Variants in PPFIA2 observed in about 807,000 individuals in gnomAD.
The protein encoded by PPFIA2 is liprin-alpha-2.
Under a neutral mutation model 175.5 loss-of-function variants are expected in PPFIA2, and 46 were observed. The ratio of observed to expected loss-of-function variants is 0.26; its 90% confidence interval spans 0.21 to 0.34. The LOEUF (loss-of-function observed/expected upper bound fraction) is 0.34. Ranked by LOEUF, PPFIA2 falls within the 10% of genes least tolerant of loss-of-function variation. The probability of loss-of-function intolerance (pLI) is 1.00; values close to 1 mark genes in which losing one functional copy is unlikely to be tolerated. For missense variants in PPFIA2, 1,179 were observed against 1,506.1 expected (o/e 0.78, Z 3.60); for synonymous variants, 568 against 511.4 (o/e 1.11, Z -1.49).
intron 8 of PPFIA2, among the ~76,000 whole-genome samples, chr12:81,401,333 T>C (rs142850439): frequency 1.3e-5 from 2 of 152,204 alleles, no homozygotes; most frequent in African/African-American, 4.8e-5. Context: ...ATATAGTGTT[T>C]CTATTCTTAT....
intron 22 of PPFIA2, among the ~76,000 whole-genome samples, chr12:81,313,758 C>A (rs572083794): frequency 2.0e-5 from 3 of 152,208 alleles, no homozygotes; most frequent in South Asian, 4.1e-4. Context: ...GACTAGTTAT[C>A]ACCATGGACA....
intron 4 of PPFIA2, chr12:81,545,759 T>C (rs2066893144): frequency 6.6e-6 from 1 of 152,108 alleles, no homozygotes; most frequent in Non-Finnish European, 1.5e-5. Flanking sequence ...GTCTATAAAC[T>C]ACAAGGTAGA....
chr12:81,423,868 T>C (rs1478704389), intron 7 of PPFIA2, among the ~76,000 whole-genome samples: 2 of 152,076 alleles, frequency 1.3e-5, no homozygotes, highest in Admixed American at 1.3e-4. Context: ...ATAACTAATA[T>C]CTATTTTAAC....
chr12:81,574,293 T>C (rs966802454), intron 4 of PPFIA2, among the ~76,000 whole-genome samples: 3 of 151,894 alleles, frequency 2.0e-5, no homozygotes, highest in African/African-American at 7.2e-5. Flanking sequence ...TAAGATTCTA[T>C]TTAATAGCAA....
At chr12:81,539,245 A>G (rs1404596423) in intron 4 of PPFIA2, among the ~76,000 whole-genome samples, 1 of 151,944 alleles carries the variant, frequency 6.6e-6, no homozygotes, top group Non-Finnish European at 1.5e-5. Context: ...TTGGGTAGAC[A>G]TTTGCATATA....
At chr12:81,475,326 T>C (rs997486394) in intron 4 of PPFIA2, among the ~76,000 whole-genome samples, 2 of 152,168 alleles carry the variant, frequency 1.3e-5, no homozygotes, top group Non-Finnish European at 2.9e-5. Context: ...TTTATTTAAG[T>C]AAAAATAAGA....
chr12:81,492,224 CT>C (rs3075417), intron 4 of PPFIA2, among the ~76,000 whole-genome samples: 28 of 151,004 alleles, frequency 1.9e-4, no homozygotes, highest in African/African-American at 6.3e-4. Flanking sequence ...CTCAATTACT[CT>C]TTTTTTTTCA....
intron 3 of PPFIA2, among the ~76,000 whole-genome samples, chr12:81,707,070 A>G (rs1365063393): frequency 1.3e-5 from 2 of 152,232 alleles, no homozygotes; most frequent in African/African-American, 2.4e-5. Context: ...TAAAAACCCT[A>G]GAAAAAAACC....
chr12:81,351,304 A>G (rs2059960209), intron 17 of PPFIA2, among the ~76,000 whole-genome samples: 1 of 152,180 alleles, frequency 6.6e-6, no homozygotes, highest in Admixed American at 6.6e-5. Context: ...ATATTAAATT[A>G]TGTCTCACAG....
intron 3 of PPFIA2, among the ~76,000 whole-genome samples, chr12:81,696,936 A>T (rs184176783): frequency 6.6e-6 from 1 of 151,978 alleles, no homozygotes; most frequent in Non-Finnish European, 1.5e-5. Flanking sequence ...TTTGACCTTA[A>T]TTTCTTTTCT....
intron 4 of PPFIA2, among the ~76,000 whole-genome samples, chr12:81,470,354 G>A (rs1390164356): frequency 6.6e-6 from 1 of 152,158 alleles, no homozygotes; most frequent in East Asian, 1.9e-4. Context: ...AATCGTCAGA[G>A]AAATGAAAGT....
intron 21 of PPFIA2, among the ~76,000 whole-genome samples, chr12:81,333,821 C>T (rs544646944): frequency 6.6e-6 from 1 of 152,162 alleles, no homozygotes; most frequent in East Asian, 1.9e-4. Flanking sequence ...CATTCATATC[C>T]AAGTGATTTT....
intron 21 of PPFIA2, among the ~76,000 whole-genome samples, chr12:81,328,024 G>A (rs1040978786): frequency 3.3e-5 from 5 of 152,068 alleles, no homozygotes; most frequent in East Asian, 1.9e-4. Flanking sequence ...AGGCCAGTGC[G>A]CTTAACCAGG....
intron 16 of PPFIA2, among the ~76,000 whole-genome samples, chr12:81,354,392 T>C (rs896980566): frequency 1.3e-5 from 2 of 152,152 alleles, no homozygotes; most frequent in African/African-American, 4.8e-5. Context: ...TCACCAAGAG[T>C]AGTTACCATC....
At chr12:81,513,608 T>C (rs2062052874) in intron 4 of PPFIA2, among the ~76,000 whole-genome samples, 1 of 151,992 alleles carries the variant, frequency 6.6e-6, no homozygotes, top group South Asian at 2.1e-4. Flanking sequence ...TCATCCTCTT[T>C]CCTCTAATGT....
chr12:81,267,198 C>CTT (rs71309549), intron 29 of PPFIA2, 178 bp from the exon 30 acceptor site: 1,544 of 482,746 alleles, frequency 3.2e-3, no homozygotes, highest in South Asian at 5.7e-3. Context: ...AAAAACAGGG[C>CTT]TTTTTTTTTT....
At chr12:81,660,458 T>C (rs928324834) in intron 4 of PPFIA2, among the ~76,000 whole-genome samples, 10 of 151,918 alleles carry the variant, frequency 6.6e-5, no homozygotes, top group Admixed American at 6.6e-4. Flanking sequence ...CGATGGAAGA[T>C]GAAATGAATG....
At chr12:81,681,759 G>A (rs1303864180) in intron 3 of PPFIA2, among the ~76,000 whole-genome samples, 1 of 151,836 alleles carries the variant, frequency 6.6e-6, no homozygotes, top group African/African-American at 2.4e-5. Context: ...TCTCAGAGCT[G>A]TTGCTGGATT....
chr12:81,532,906 A>C (rs2064804167), intron 4 of PPFIA2, among the ~76,000 whole-genome samples: 1 of 151,814 alleles, frequency 6.6e-6, no homozygotes, highest in Non-Finnish European at 1.5e-5. Flanking sequence ...TTTTTCACTG[A>C]TAGAATAAAA....
Sources: allele counts gnomAD v4.1 joint callset (sites outside exome capture counted in the v4.1 genomes callset), GRCh38; gene constraint gnomAD v4.1.1; transcripts MANE v1.5; gene names NCBI Gene and HGNC (gene_info 2026-07-23, HGNC 2026-07-21).